BRK1: variants seen among roughly 807,000 people sequenced by gnomAD.
BRK1 encodes protein BRICK1.
Under a neutral mutation model 9.9 loss-of-function variants are expected in BRK1, and 6 were observed. The ratio of observed to expected loss-of-function variants is 0.60; its 90% CI spans 0.33 to 1.19. The LOEUF is 1.19. Among genes scored for constraint, BRK1 ranks in the 50% most tolerant of loss-of-function variants. The pLI is 0.04. For synonymous variants in BRK1, 44 were observed against 31.9 expected, an observed-to-expected ratio of 1.38 and a Z score of -1.28; for missense variants, 62 against 97.5, an observed-to-expected ratio of 0.64 and a Z score of 1.53.
chr3:10,121,478 C>T (rs1266037733), intron 1 of BRK1, among the ~76,000 whole-genome samples: 2 of 152,086 alleles, frequency 1.3e-5, no homozygotes, highest in Non-Finnish European at 2.9e-5. Flanking sequence ...CCTCAGTTTT[C>T]CCACTTGTAA....
At chr3:10,124,348 T>C (rs934988771) in intron 1 of BRK1, among the ~76,000 whole-genome samples, 20 of 151,468 alleles carry the variant, frequency 1.3e-4, no homozygotes, top group Non-Finnish European at 7.4e-5. Flanking sequence ...TAGTCCCAGC[T>C]ACCTAGGAGG....
chr3:10,120,325 G>A (rs1439991725), intron 1 of BRK1, among the ~76,000 whole-genome samples: 1 of 152,002 alleles, frequency 6.6e-6, no homozygotes, highest in Non-Finnish European at 1.5e-5. Flanking sequence ...CTCCCAAATA[G>A]CTGGGATTAC....
chr3:10,124,784 T>C (rs867517226), intron 1 of BRK1, among the ~76,000 whole-genome samples: 3 of 152,296 alleles, frequency 2.0e-5, no homozygotes, highest in Middle Eastern at 6.8e-3. Context: ...CTCTGTTTTG[T>C]TGCTGGCTGT....
chr3:10,118,023 A>C (rs868832673), intron 1 of BRK1, among the ~76,000 whole-genome samples: 95 of 152,284 alleles, frequency 6.2e-4, no homozygotes, highest in African/African-American at 2.2e-3. Flanking sequence ...GGGGAGGCTG[A>C]GGCGAGCAGA....
rs1695848544 is a variant in BRK1 at position 10,126,876 on chromosome 3, G to A, written c.*581G>A. 1 of 152,760 alleles carries A rather than the reference G, an allele frequency of 6.5e-6. No individual in the cohort carries two copies. Among genetic ancestry groups the A allele is most frequent in the African/African-American group, 2.4e-5 (1 of 41,454 alleles). 9.5% of individuals were successfully genotyped at this position (152,760 alleles called of 1,614,324 possible). A position where few individuals can be genotyped will look rare whatever the true frequency, so the allele number is the denominator to read the frequency against. ...GACTTTTCTTTCTGTCACTTGGAGTGTCTATGCCTCTCATATTTCCCTAAT... is the reference window on the plus strand; with the variant it reads ...GACTTTTCTTTCTGTCACTTGGAGTATCTATGCCTCTCATATTTCCCTAAT... On this transcript the variant is annotated 3_prime_UTR_variant, in exon 3 of 3. Transcript: ENST00000530758.
At chr3:10,124,832 C>T (rs1392476472) in intron 1 of BRK1, among the ~76,000 whole-genome samples, 1 of 152,216 alleles carries the variant, frequency 6.6e-6, no homozygotes, top group Admixed American at 6.5e-5. Flanking sequence ...AGGTCACTTA[C>T]ATCCCTTGGT....
chr3:10,116,610 G>C (rs1290276319), intron 1 of BRK1, among the ~76,000 whole-genome samples: 3 of 152,120 alleles, frequency 2.0e-5, no homozygotes, highest in Non-Finnish European at 4.4e-5. Context: ...TCTTCTCCAA[G>C]TGTTTAACAG....
chr3:10,120,115 C>T (rs1041444338), intron 1 of BRK1, among the ~76,000 whole-genome samples: 1 of 151,846 alleles, frequency 6.6e-6, no homozygotes, highest in South Asian at 2.1e-4. Context: ...CTGCAACCTC[C>T]GCCTCCCGGG....
chr3:10,126,122 G>A, intron 2 of BRK1, 147 bp from the exon 3 acceptor site: 2 of 585,036 alleles, frequency 3.4e-6, no homozygotes, highest in Non-Finnish European at 5.8e-6. Context: ...AGTTAAGCAT[G>A]TTGCCTGGAT....
chr3:10,121,201 C>T (rs1465224475), intron 1 of BRK1, among the ~76,000 whole-genome samples: 1 of 152,056 alleles, frequency 6.6e-6, no homozygotes, highest in African/African-American at 2.4e-5. Context: ...AGTGACAGGA[C>T]TAAGAGGTAT....
intron 1 of BRK1, among the ~76,000 whole-genome samples, chr3:10,117,290 G>A (rs545141887): frequency 5.9e-5 from 9 of 151,964 alleles, no homozygotes; most frequent in Non-Finnish European, 1.2e-4. Context: ...TTGCTTTATA[G>A]GCAAGGAGAT....
intron 1 of BRK1, among the ~76,000 whole-genome samples, chr3:10,122,774 AATT>A (rs1695776117): frequency 6.6e-6 from 1 of 152,206 alleles, no homozygotes; most frequent in African/African-American, 2.4e-5. Context: ...GAAGAGGAAG[AATT>A]ATTATGTCCA....
At position 10,126,292 on chromosome 3, in the gene BRK1, C is replaced by T. The variant is rs1444046476; in HGVS notation, c.225C>T (p.Thr75=). 2.5e-6 allele frequency: 4 copies of T among 1,576,530 alleles called. No individual in the cohort carries two copies. Among genetic ancestry groups the T allele is most frequent in the Non-Finnish European group, 3.4e-6 (4 of 1,161,518 alleles). The change falls in exon 3 of 3, where the codon ACC becomes ACT. Residue 75 remains threonine, a synonymous_variant. Transcript: ENST00000530758. ...AGGTGACAAAAGGTGAGACACTCAC[C>T]TAGAACAGTGCCGTGCTGCTGCTGG... ...EARVTKGETL[T] is the part of the protein sequence containing the mutation.
intron 1 of BRK1, among the ~76,000 whole-genome samples, chr3:10,122,742 C>T (rs920813535): frequency 5.9e-5 from 9 of 151,838 alleles, no homozygotes; most frequent in East Asian, 1.9e-4. Context: ...AAAATTCATC[C>T]GTAAATGTTT....
chr3:10,118,245 C>G (rs1022485169), intron 1 of BRK1, among the ~76,000 whole-genome samples: 1 of 131,778 alleles, frequency 7.6e-6, no homozygotes, highest in Non-Finnish European at 1.6e-5. Flanking sequence ...AGACGAGACT[C>G]TGTCTCCAAA....
In BRK1 at chr3:10,122,544, C is replaced by CA. The variant is rs113114651; in HGVS notation, c.119-3078dup. Among the ~76,000 whole-genome samples the CA allele has an allele frequency of 0.16, 23,611 of 150,858 alleles. 2,367 individuals carry two copies. Among genetic ancestry groups the CA allele is most frequent in the African/African-American group, 0.29 (11,665 of 40,848 alleles). On this transcript the variant is annotated intron_variant, in intron 1 of 2. Coordinates refer to ENST00000530758, the MANE Select transcript of BRK1 (RefSeq NM_018462.5). ...AACAAAGTGAGACCCCCATATCTAC[C>CA]AAAACAAAAAACAAAAAAATTAGCC...
chr3:10,116,839 C>T (rs1419716746), intron 1 of BRK1, among the ~76,000 whole-genome samples: 1 of 152,180 alleles, frequency 6.6e-6, no homozygotes, highest in African/African-American at 2.4e-5. Context: ...AGAATAAGAA[C>T]CACTTCCTAC....
chr3:10,125,036 A>G lies in BRK1; in HGVS notation c.119-590A>G, dbSNP rs538534442. Among the ~76,000 whole-genome samples the G allele has an allele frequency of 3.3e-5, 5 of 152,264 alleles. No homozygotes were observed. In the East Asian group the frequency reaches 9.7e-4, roughly 29 times the overall value. On this transcript the variant is annotated intron_variant, in intron 1 of 2. Transcript: ENST00000530758. ...AAACTCTAGGATCTCAAGGTTCTTAACCTTAATCATACCTGCAAAGCCCTG... is the reference window on the plus strand; with the variant it reads ...AAACTCTAGGATCTCAAGGTTCTTAGCCTTAATCATACCTGCAAAGCCCTG...
chr3:10,125,630 G>T lies in BRK1; in HGVS notation c.123G>T (p.Met41Ile). The change falls in exon 2 of 3, where the codon ATG (methionine) becomes ATT (isoleucine). Residue 41 changes from methionine (M) to isoleucine (I), a missense_variant. Physicochemically the swap from Met to Ile is conservative, Grantham distance 10 (BLOSUM62 1). Coordinates refer to ENST00000530758, the MANE Select transcript of BRK1 (RefSeq NM_018462.5). ...ACACCAGTCTCTTTTTCTCAGATAT[G>T]TCTTGTCGTTCAAGACTTGCAACAC... ...KIADFLNSFD[M>I]SCRSRLATLN... The T allele has an allele frequency of 1.2e-6, 2 of 1,608,298 alleles. No homozygotes were observed. Among genetic ancestry groups the T allele is most frequent in the Non-Finnish European group, 1.7e-6 (2 of 1,176,432 alleles).
Sources: allele counts gnomAD v4.1 joint callset (sites outside exome capture counted in the v4.1 genomes callset), GRCh38; gene constraint gnomAD v4.1.1; transcripts MANE v1.5; gene names NCBI Gene and HGNC (gene_info 2026-07-23, HGNC 2026-07-21).